Variants in PMS2 observed in about 807,000 individuals in gnomAD.
PMS2 encodes the protein PMS1 homolog 2, mismatch repair system component, also known as mismatch repair endonuclease PMS2.
In PMS2, 69 loss-of-function variants were observed where a neutral mutation model predicts 90.0. The ratio of observed to expected loss-of-function variants is 0.77; its 90% CI spans 0.63 to 0.94. The LOEUF (loss-of-function observed/expected upper bound fraction) is 0.94. PMS2 is among the 40% of genes least tolerant of loss of function. The probability of loss-of-function intolerance (pLI) is 0.00; values close to 1 mark genes in which losing one functional copy is unlikely to be tolerated. For synonymous variants in PMS2, 332 were observed against 375.1 expected, an observed-to-expected ratio of 0.89 and a Z score of 1.33; for missense variants, 966 against 1,040.2, an observed-to-expected ratio of 0.93 and a Z score of 0.98.
At position 5,989,850 on chromosome 7, in the gene PMS2, C is replaced by G. The variant is rs1554298690; in HGVS notation, c.1094G>C (p.Ser365Thr). 1 of 1,612,956 alleles carries G rather than the reference C, an allele frequency of 6.2e-7. No individual in the cohort carries two copies. Among genetic ancestry groups the G allele is most frequent in the Non-Finnish European group, 8.5e-7 (1 of 1,179,166 alleles). ...LKTSLIGMFD[S>T]DVNKLNVSQQ... ...ACTGACATTTAGCTTGTTGACATCA[C>G]TATCAAACATTCCTATCAAAGAGGT... Residue 365 changes from serine (S) to threonine (T), a missense_variant, in exon 10 of 15, where the codon AGT becomes ACT. This residue lies in a region of PMS2 where 871 missense variants were observed against 802.4 expected (regional missense o/e 1.09). Transcript: ENST00000265849.
rs1427050182 is a variant in PMS2, at chr7:5,972,703, C to A, written c.*696G>T. Among the ~76,000 whole-genome samples, 1 of 94,156 alleles carries A rather than the reference C, an allele frequency of 1.1e-5. No individual in the cohort carries two copies. Among genetic ancestry groups the A allele is most frequent in the Non-Finnish European group, 2.1e-5 (1 of 48,048 alleles). 61.8% of individuals were successfully genotyped at this position (94,156 alleles called of 152,430 possible). On this transcript the variant is annotated 3_prime_UTR_variant, in exon 15 of 15. Coordinates refer to ENST00000265849, the MANE Select transcript of PMS2 (RefSeq NM_000535.7). ...GCTGAGAATCACTAACTGAAAAGGA[C>A]CCTACTTTTAAATTTATGAAATTAA... is the stretch of plus-strand genomic sequence containing the variant.
At chr7:6,008,626 T>C (rs887370306) in intron 1 of PMS2, among the ~76,000 whole-genome samples, 7 of 151,760 alleles carry the variant, frequency 4.6e-5, no homozygotes, top group Non-Finnish European at 1.0e-4. Flanking sequence ...AAAATAAAAA[T>C]AAAAGGGGAG....
At chr7:6,006,176 A>T in intron 1 of PMS2, 145 bp from the exon 2 acceptor site, 2 of 923,680 alleles carry the variant, frequency 2.2e-6, no homozygotes, top group South Asian at 2.9e-5. Context: ...CATTTATTAT[A>T]TCCAGAAATA....
chr7:6,001,994 A>C (rs1351280022), intron 5 of PMS2: 1 of 151,620 alleles, frequency 6.6e-6, no homozygotes. Context: ...CTCCATCTCA[A>C]AAAAAGATAA....
At chr7:5,988,456 A>C (rs1783329707) in intron 10 of PMS2, among the ~76,000 whole-genome samples, 2 of 152,032 alleles carry the variant, frequency 1.3e-5, no homozygotes, top group Non-Finnish European at 2.9e-5. Flanking sequence ...TACTAGGGAG[A>C]ATGAGAATGA....
At chr7:5,978,967 G>A (rs546290269) in intron 12 of PMS2, among the ~76,000 whole-genome samples, 1 of 148,930 alleles carries the variant, frequency 6.7e-6, no homozygotes, top group Admixed American at 6.6e-5. Flanking sequence ...GCCCGAGGCA[G>A]GCAGATCTCT....
chr7:5,979,223 A>C (rs1782069142), intron 12 of PMS2, among the ~76,000 whole-genome samples: 2 of 113,334 alleles, frequency 1.8e-5, no homozygotes, highest in East Asian at 4.1e-4. Flanking sequence ...AAAAAAAAAA[A>C]CACCCATAAA....
intron 6 of PMS2, among the ~76,000 whole-genome samples, chr7:5,997,714 A>T (rs1360413213): frequency 6.6e-6 from 1 of 151,970 alleles, no homozygotes; most frequent in Non-Finnish European, 1.5e-5. Flanking sequence ...ACACCTGGCT[A>T]ATTTTTTAAT....
At chr7:5,996,612 T>TATATATATATATATAC (rs1357046135) in intron 7 of PMS2, among the ~76,000 whole-genome samples, 2 of 129,586 alleles carry the variant, frequency 1.5e-5, no homozygotes, top group African/African-American at 6.0e-5. Flanking sequence ...TATATATATA[T>TATATATATATATATAC]ACACACAGAT....
chr7:5,986,013 A>C (rs913374644), intron 11 of PMS2, among the ~76,000 whole-genome samples: 5 of 126,798 alleles, frequency 3.9e-5, no homozygotes, highest in South Asian at 2.8e-4. Context: ...AACATCCCAG[A>C]AGCATCCCAG....
chr7:5,992,319 TTTTTTTC>T (rs1272572539), intron 8 of PMS2, among the ~76,000 whole-genome samples: 1 of 151,068 alleles, frequency 6.6e-6, no homozygotes, highest in Non-Finnish European at 1.5e-5. Flanking sequence ...AGGCAGGATT[TTTTTTTC>T]TTTTTTTTTT....
intron 10 of PMS2, among the ~76,000 whole-genome samples, chr7:5,989,501 A>G (rs1783475259): frequency 6.6e-6 from 1 of 151,956 alleles, no homozygotes; most frequent in African/African-American, 2.4e-5. Flanking sequence ...CATATATCTT[A>G]TATGACTTCA....
rs541865326 is a variant in PMS2 at position 6,002,769 on chromosome 7, T to A, written c.354-133A>T. ...GACGATCCCTCTGAGATAATCAAGA[T>A]CTAAATGGTTGAGGAGTCATCATAA... is the stretch of plus-strand genomic sequence containing the variant. On this transcript the variant is annotated intron_variant, in intron 4 of 14. Transcript: ENST00000265849. 4.1e-4 allele frequency: 322 copies of A among 782,266 alleles called. 1 individual carries two copies. The highest frequency in any genetic ancestry group is 5.6e-4 in the Non-Finnish European group (244 of 432,134). The allele number at this position is 782,266 out of a possible 1,614,324, so 48.5% of individuals were successfully genotyped here.
rs1465940485 is a variant in PMS2 at position 6,006,037 on chromosome 7, G to C, written c.24-6C>G. On this transcript the variant is annotated splice_region_variant and splice_polypyrimidine_tract_variant and intron_variant, in intron 1 of 14. Transcript: ENST00000265849. ...TGGCCTTAGCAGGTTCTGTACTAGA[G>C]AAATCAGTTACAAGAAACAAATCAA... The C allele has an allele frequency of 6.2e-7, 1 of 1,610,416 alleles. No individual in the cohort carries two copies. The highest frequency in any genetic ancestry group is 8.5e-7 in the Non-Finnish European group (1 of 1,179,670).
chr7:5,983,002 A>G lies in PMS2; in HGVS notation c.2007-11T>C, dbSNP rs267608171. ...GCAAACATCGTTTTACTGCAGGTAG[A>G]AAATGTTAATTATCAGACATTTTAC... is the stretch of plus-strand genomic sequence containing the variant. On this transcript the variant is annotated splice_polypyrimidine_tract_variant and intron_variant, in intron 11 of 14. Coordinates refer to ENST00000265849, the MANE Select transcript of PMS2 (RefSeq NM_000535.7). 1 of 1,403,206 alleles carries G rather than the reference A, an allele frequency of 7.1e-7. No homozygotes were observed. The highest frequency in any genetic ancestry group is 9.9e-7 in the Non-Finnish European group (1 of 1,014,350). 86.9% of individuals were successfully genotyped at this position (1,403,206 alleles called of 1,614,324 possible).
At chr7:6,001,698 A>C (rs1432231579) in intron 5 of PMS2, among the ~76,000 whole-genome samples, 1 of 151,976 alleles carries the variant, frequency 6.6e-6, no homozygotes, top group Non-Finnish European at 1.5e-5. Context: ...ATATAAGTAC[A>C]TAAGGCCAGG....
intron 5 of PMS2, among the ~76,000 whole-genome samples, chr7:5,999,699 G>A (rs1009159347): frequency 1.3e-5 from 2 of 152,122 alleles, no homozygotes; most frequent in African/African-American, 4.8e-5. Context: ...AGGAGGCTGA[G>A]GTGGGAGGAT....
Position 5,995,584 on chromosome 7 carries a change from T to C in PMS2, c.853A>G (p.Thr285Ala), listed in dbSNP as rs760448660. 6.2e-7 allele frequency: 1 copy of C among 1,614,038 alleles called. No individual in the cohort carries two copies. Among genetic ancestry groups the C allele is most frequent in the South Asian group, 1.1e-5 (1 of 91,076 alleles). Reference sequence around the variant, plus strand: ...TTGATAAAGAAAAACTGTCTGTCTGTTGAACTCCTTCCAACTCCATGCGTG... The same window carrying C: ...TTGATAAAGAAAAACTGTCTGTCTGCTGAACTCCTTCCAACTCCATGCGTG... ...QCTHGVGRSS[T>A]DRQFFFINRR... The change falls in exon 8 of 15, where the codon ACA becomes GCA. Residue 285 changes from threonine (T) to alanine (A), a missense_variant. Around this residue, in one of 2 missense-constraint regions of PMS2, gnomAD observed 871 missense variants for 802.4 expected, o/e 1.09. Coordinates refer to ENST00000265849, the MANE Select transcript of PMS2 (RefSeq NM_000535.7).
At chr7:5,998,983 C>A in intron 6 of PMS2, 125 bp downstream of exon 6, 1 of 895,986 alleles carries the variant, frequency 1.1e-6, no homozygotes, top group Non-Finnish European at 1.7e-6. Flanking sequence ...GTGCGAGACT[C>A]CCTCTCAAAA....
Sources: gnomAD v4.1 joint callset for allele counts (sites outside exome capture counted in the v4.1 genomes callset) on GRCh38, gnomAD v4.1.1 for gene constraint, gnomAD v4.1.1 regional missense constraint, MANE v1.5 for transcripts, NCBI Gene and HGNC (gene_info 2026-07-23, HGNC 2026-07-21) for gene names.